The following RBFOX1 variants were observed in gnomAD, a reference collection of about 807,000 sequenced individuals.
RBFOX1 encodes RNA binding protein fox-1 homolog 1.
A neutral mutation model predicts 57.7 loss-of-function variants in RBFOX1; 8 were observed. The ratio of observed to expected loss-of-function variants is 0.14; its 90% CI spans 0.08 to 0.25. The LOEUF is 0.25. RBFOX1 is among the 10% of genes least tolerant of loss of function. The pLI, the probability that RBFOX1 is intolerant of heterozygous loss-of-function variation, is 1.00. For synonymous variants in RBFOX1, 326 were observed against 222.4 expected (o/e 1.47, Z -4.15); for missense variants, 611 against 548.5 (o/e 1.11, Z -1.14).
chr16:6,917,870 C>G (rs1006466432), intron 3 of RBFOX1, among the ~76,000 whole-genome samples: 5 of 152,196 alleles, frequency 3.3e-5, no homozygotes, highest in East Asian at 1.9e-4. Flanking sequence ...GGAAAAATAC[C>G]AAGAAACTGA....
chr16:6,848,334 G>C (rs938757448), intron 3 of RBFOX1, among the ~76,000 whole-genome samples: 1 of 152,098 alleles, frequency 6.6e-6, no homozygotes, highest in African/African-American at 2.4e-5. Flanking sequence ...GAGAAGTTTG[G>C]CATCTGCATT....
intron 3 of RBFOX1, among the ~76,000 whole-genome samples, chr16:7,011,935 C>G (rs1021268793): frequency 6.6e-6 from 1 of 152,188 alleles, no homozygotes; most frequent in Admixed American, 6.5e-5. Context: ...ACATTTCTCT[C>G]TGGAAATACG....
chr16:7,627,928 TA>T (rs1397091522), intron 10 of RBFOX1, among the ~76,000 whole-genome samples: 2 of 149,372 alleles, frequency 1.3e-5, no homozygotes, highest in South Asian at 2.1e-4. Flanking sequence ...TTTTTTTTTT[TA>T]ACTACGAAGA....
intron 4 of RBFOX1, among the ~76,000 whole-genome samples, chr16:7,206,404 TTTAC>T: frequency 6.6e-6 from 1 of 151,660 alleles, no homozygotes; most frequent in South Asian, 2.1e-4. Context: ...AATTAGAATA[TTTAC>T]TTACTGAAAT....
At chr16:6,233,404 C>G (rs2097480991) in intron 1 of RBFOX1, among the ~76,000 whole-genome samples, 1 of 152,102 alleles carries the variant, frequency 6.6e-6, no homozygotes, top group Non-Finnish European at 1.5e-5. Context: ...TGACGAACCC[C>G]TGCACCCCAC....
chr16:6,075,770 G>A lies in RBFOX1; in HGVS notation c.-127+55778G>A, dbSNP rs190488962. Among the ~76,000 whole-genome samples the A allele has an allele frequency of 5.3e-5, 8 of 152,226 alleles. No individual in the cohort carries two copies. In the East Asian group the frequency reaches 1.2e-3, roughly 22 times the overall value. On this transcript the variant is annotated intron_variant, in intron 1 of 15. Coordinates refer to ENST00000550418, the MANE Select transcript of RBFOX1 (RefSeq NM_018723.4). ...GAAGGAACTTGGGGAACTTCTAATCGGTCTCCATGTCGTGGACAAAAATTA... is the reference window on the plus strand; with the variant it reads ...GAAGGAACTTGGGGAACTTCTAATCAGTCTCCATGTCGTGGACAAAAATTA...
intron 3 of RBFOX1, among the ~76,000 whole-genome samples, chr16:6,922,965 A>T (rs2074805098): frequency 6.6e-6 from 1 of 152,206 alleles, no homozygotes; most frequent in South Asian, 2.1e-4. Context: ...TCCAAATCAG[A>T]TGATGTAAGG....
At chr16:6,764,292 C>G (rs764765096) in intron 3 of RBFOX1, among the ~76,000 whole-genome samples, 32 of 152,162 alleles carry the variant, frequency 2.1e-4, no homozygotes, top group Admixed American at 1.3e-4. Flanking sequence ...TCAATCTGTG[C>G]ACAAATGATC....
chr16:6,284,431 T>G (rs2076694284), intron 1 of RBFOX1, among the ~76,000 whole-genome samples: 1 of 152,244 alleles, frequency 6.6e-6, no homozygotes, highest in East Asian at 1.9e-4. Flanking sequence ...TCTGCATAAA[T>G]GGAAGATGTC....
chr16:6,041,572 C>T (rs1487395435), intron 1 of RBFOX1, among the ~76,000 whole-genome samples: 1 of 152,112 alleles, frequency 6.6e-6, no homozygotes, highest in Non-Finnish European at 1.5e-5. Flanking sequence ...CCGTATGTGA[C>T]TCCCTGAAGC....
chr16:6,810,319 C>T (rs951234687), intron 3 of RBFOX1, among the ~76,000 whole-genome samples: 1 of 152,030 alleles, frequency 6.6e-6, no homozygotes, highest in Non-Finnish European at 1.5e-5. Context: ...AAATGAGACC[C>T]ATGAGGGCCG....
intron 1 of RBFOX1, among the ~76,000 whole-genome samples, chr16:6,159,266 G>A (rs917400231): frequency 1.3e-5 from 2 of 151,874 alleles, no homozygotes; most frequent in South Asian, 2.1e-4. Flanking sequence ...TAGTAGACAC[G>A]GGGTTTCACC....
rs113487749 is a variant in RBFOX1, at chr16:5,769,487, CAA to C, written c.319-97801_319-97800del. On this transcript the variant is annotated intron_variant, in intron 3 of 19. Coordinates refer to the RBFOX1 transcript ENST00000641259. Reference sequence around the variant, plus strand: ...GAAAGCCCATCTCTACTAAAAAATACAAAAAAAAAAAAAAAATTAGCTAGGTA... The same window carrying C: ...GAAAGCCCATCTCTACTAAAAAATACAAAAAAAAAAAAAATTAGCTAGGTA... 2.8e-3 allele frequency among the ~76,000 whole-genome samples: 335 copies of C among 121,500 alleles called. 1 individual carries two copies. The highest frequency in any genetic ancestry group is 7.9e-3 in the African/African-American group (254 of 32,342). The allele number at this position is 121,500 out of a possible 152,430, so 79.7% of individuals were successfully genotyped here. A position where few individuals can be genotyped will look rare whatever the true frequency, so the allele number is the denominator to read the frequency against.
intron 1 of RBFOX1, among the ~76,000 whole-genome samples, chr16:6,251,608 G>C (rs1396441482): frequency 2.6e-5 from 4 of 152,044 alleles, no homozygotes; most frequent in African/African-American, 9.7e-5. Context: ...GAGAGAAAAA[G>C]AGAGAGAAAA....
At chr16:5,812,791 A>G (rs1335285648) in intron 3 of RBFOX1, among the ~76,000 whole-genome samples, 1 of 152,126 alleles carries the variant, frequency 6.6e-6, no homozygotes, top group Non-Finnish European at 1.5e-5. Context: ...AGACATTCTT[A>G]CAGGTATATA....
chr16:6,019,823 A>T lies in RBFOX1; in HGVS notation c.-296A>T. ...CTCGCCGCGCCCAGGCAGGCGCGCC[A>T]GGGCGGGGCTGACCTGCCCGCGAAG... On this transcript the variant is annotated 5_prime_UTR_variant, in exon 1 of 16. Transcript: ENST00000550418. The surrounding 1 kb of genome is among the most constrained non-coding windows in gnomAD (Gnocchi z 4.2). 6.6e-7 allele frequency: 1 copy of T among 1,504,894 alleles called. No homozygotes were observed. Among genetic ancestry groups the T allele is most frequent in the South Asian group, 1.2e-5 (1 of 81,504 alleles). 93.2% of individuals were successfully genotyped at this position (1,504,894 alleles called of 1,614,324 possible).
intron 3 of RBFOX1, among the ~76,000 whole-genome samples, chr16:5,828,050 T>TACCC (rs1567595323): frequency 1.3e-5 from 2 of 149,892 alleles, no homozygotes; most frequent in Non-Finnish European, 3.0e-5. Flanking sequence ...TCCATCCATC[T>TACCC]ACCCACCCAT....
At chr16:6,905,254 A>T (rs995310699) in intron 3 of RBFOX1, among the ~76,000 whole-genome samples, 6 of 152,002 alleles carry the variant, frequency 3.9e-5, no homozygotes, top group African/African-American at 1.5e-4. Flanking sequence ...GTTTAAAAAA[A>T]AAATTAAAAA....
intron 2 of RBFOX1, among the ~76,000 whole-genome samples, chr16:6,455,750 C>T (rs540867701): frequency 9.9e-5 from 15 of 152,020 alleles, no homozygotes; most frequent in African/African-American, 3.1e-4. Context: ...TGGTAATGAC[C>T]GTATTTGCTT....
Sources: allele counts gnomAD v4.1 joint callset (sites outside exome capture counted in the v4.1 genomes callset), GRCh38; gene constraint gnomAD v4.1.1; non-coding constraint Gnocchi (gnomAD v3.1); transcripts MANE v1.5; gene names NCBI Gene and HGNC (gene_info 2026-07-23, HGNC 2026-07-21).